Variants in JAK2 observed in about 807,000 individuals in gnomAD.
JAK2 encodes the protein Janus kinase 2, also known as tyrosine-protein kinase JAK2.
Under a neutral mutation model 139.3 loss-of-function variants are expected in JAK2, and 86 were observed. That is an observed-to-expected ratio of 0.62 (90% confidence interval 0.52 to 0.74). The LOEUF (loss-of-function observed/expected upper bound fraction) is 0.74, where lower values mean the gene tolerates loss of function less well. Ranked by LOEUF, JAK2 falls within the 30% of genes least tolerant of loss-of-function variation. JAK2 has a pLI of 0.00. For synonymous variants in JAK2, 490 were observed against 437.7 expected, an observed-to-expected ratio of 1.12 and a Z score of -1.49; for missense variants, 1,421 against 1,360.3, an observed-to-expected ratio of 1.04 and a Z score of -0.70.
At chr9:5,024,495 C>G (rs912216782) in intron 3 of JAK2, among the ~76,000 whole-genome samples, 3 of 152,056 alleles carry the variant, frequency 2.0e-5, no homozygotes, top group Non-Finnish European at 4.4e-5. Context: ...TGTGCTGACT[C>G]TAAAGAACAG....
intron 2 of JAK2, among the ~76,000 whole-genome samples, chr9:5,015,223 C>T (rs1043794221): frequency 6.6e-6 from 1 of 152,078 alleles, no homozygotes; most frequent in Admixed American, 6.6e-5. Flanking sequence ...GAAGCTGAGG[C>T]GCAATGAATA....
At chr9:4,991,081 A>T (rs1820215081) in intron 2 of JAK2, among the ~76,000 whole-genome samples, 1 of 152,190 alleles carries the variant, frequency 6.6e-6, no homozygotes, top group African/African-American at 2.4e-5. Flanking sequence ...TTGTGCTGGT[A>T]AAATTTGAAT....
At position 5,026,258 on chromosome 9, in the gene JAK2, T is replaced by A. The variant is rs555465705; in HGVS notation, c.227-3525T>A. On this transcript the variant is annotated intron_variant, in intron 3 of 24. Coordinates refer to ENST00000381652, the MANE Select transcript of JAK2 (RefSeq NM_004972.4). ...GTATTCCACAATTTTTAGTACATGATATTGGTAATCATTATTCATTATAAA... is the reference window on the plus strand; with the variant it reads ...GTATTCCACAATTTTTAGTACATGAAATTGGTAATCATTATTCATTATAAA... Among the ~76,000 whole-genome samples the A allele has an allele frequency of 2.6e-5, 4 of 152,356 alleles. No homozygotes were observed. In the South Asian group the frequency reaches 8.3e-4, roughly 32 times the overall value.
At chr9:5,058,955 A>G (rs944731249) in intron 8 of JAK2, among the ~76,000 whole-genome samples, 68 of 152,288 alleles carry the variant, frequency 4.5e-4, no homozygotes, top group Non-Finnish European at 1.8e-4. Context: ...TATGATTTGC[A>G]AATATTTTCT....
chr9:5,020,073 G>A (rs1822310504), intron 2 of JAK2, among the ~76,000 whole-genome samples: 1 of 152,130 alleles, frequency 6.6e-6, no homozygotes. Flanking sequence ...AGCTGAGTGG[G>A]TCCACAGGCC....
intron 4 of JAK2, among the ~76,000 whole-genome samples, chr9:5,040,450 G>T (rs752063553): frequency 1.1e-4 from 17 of 152,174 alleles, no homozygotes; most frequent in African/African-American, 3.9e-4. Context: ...AAATAGTTAA[G>T]TTAGGCTTTA....
Position 5,055,657 on chromosome 9 carries a change from T to C in JAK2, c.937-12T>C, listed in dbSNP as rs989510729. On this transcript the variant is annotated splice_polypyrimidine_tract_variant and intron_variant, in intron 7 of 24. Coordinates refer to ENST00000381652, the MANE Select transcript of JAK2 (RefSeq NM_004972.4). ...TCTACCCGTTTTTAATTTTACATGC[T>C]TTTAATTATAGGATTTACAGTTATA... 6.5e-7 allele frequency: 1 copy of C among 1,540,996 alleles called. No homozygotes were observed. The highest frequency in any genetic ancestry group is 1.4e-5 in the African/African-American group (1 of 73,072).
intron 2 of JAK2, among the ~76,000 whole-genome samples, chr9:4,989,433 G>C (rs1010244681): frequency 6.6e-5 from 10 of 151,974 alleles, no homozygotes; most frequent in African/African-American, 2.4e-4. Flanking sequence ...ATTCTTTGAG[G>C]AGCAGTACCT....
At position 5,128,080 on chromosome 9, in the gene JAK2, T is replaced by TTGTGTGTGTGTGTGTGTGTGTG. The variant is rs139964957; in HGVS notation, c.*1309_*1330dup. The TTGTGTGTGTGTGTGTGTGTGTG allele has an allele frequency of 2.3e-5, 5 of 215,658 alleles. No individual in the cohort carries two copies. Among genetic ancestry groups the TTGTGTGTGTGTGTGTGTGTGTG allele is most frequent in the African/African-American group, 1.2e-4 (5 of 42,664 alleles). 13.4% of individuals were successfully genotyped at this position (215,658 alleles called of 1,614,324 possible). On this transcript the variant is annotated 3_prime_UTR_variant, in exon 25 of 25. Coordinates refer to ENST00000381652, the MANE Select transcript of JAK2 (RefSeq NM_004972.4). ...TAGCTAAAATAAAATATGGTGGGTT[T>TTGTGTGTGTGTGTGTGTGTGTG]TGTGTGTGTGTGTGTGTGTGTGTGT...
In JAK2 at chr9:5,129,839, T is replaced by G. The variant is rs1824226246; in HGVS notation, c.*3048T>G. Among the ~76,000 whole-genome samples the G allele has an allele frequency of 6.6e-6, 1 of 152,194 alleles. No individual in the cohort carries two copies. Among genetic ancestry groups the G allele is most frequent in the Non-Finnish European group, 1.5e-5 (1 of 67,996 alleles). On this transcript the variant is annotated 3_prime_UTR_variant, in exon 25 of 25. Transcript: ENST00000381652. ...TCATATAGCCTTTAACTTTTTACATTAATCAGATTCTTAGTAAAATGCAGA... is the reference window on the plus strand; with the variant it reads ...TCATATAGCCTTTAACTTTTTACATGAATCAGATTCTTAGTAAAATGCAGA...
chr9:5,121,245 C>T (rs1313608991), intron 22 of JAK2, among the ~76,000 whole-genome samples: 1 of 152,122 alleles, frequency 6.6e-6, no homozygotes, highest in Admixed American at 6.5e-5. Flanking sequence ...CACAAGCAGT[C>T]CCCTAAGAGA....
chr9:5,065,964 C>G (rs1258663669), intron 9 of JAK2, among the ~76,000 whole-genome samples: 1 of 152,060 alleles, frequency 6.6e-6, no homozygotes, highest in East Asian at 1.9e-4. Flanking sequence ...AACTTTATGT[C>G]TGTAATTTAC....
rs533264615 is a variant in JAK2, at chr9:5,126,321, G to GC, written c.3178-12_3178-11insC. ...AAATGTACAAAAAATATTGAAAGTG[G>GC]GTTTGTTTTAGGAATTTATGCGTAT... On this transcript the variant is annotated splice_polypyrimidine_tract_variant and intron_variant, in intron 23 of 24. Coordinates refer to ENST00000381652, the MANE Select transcript of JAK2 (RefSeq NM_004972.4). 2.3e-3 allele frequency: 3,590 copies of GC among 1,545,100 alleles called. 7 individuals carry two copies. Among genetic ancestry groups the GC allele is most frequent in the Non-Finnish European group, 2.9e-3 (3,255 of 1,129,694 alleles).
chr9:5,104,058 A>G (rs1821753865), intron 22 of JAK2, among the ~76,000 whole-genome samples: 1 of 152,226 alleles, frequency 6.6e-6, no homozygotes, highest in African/African-American at 2.4e-5. Context: ...GGCAAGAAAT[A>G]ACTAAGATCA....
intron 22 of JAK2, among the ~76,000 whole-genome samples, chr9:5,119,258 A>AT (rs906468834): frequency 1.8e-4 from 27 of 152,088 alleles, no homozygotes; most frequent in Admixed American, 5.2e-4. Flanking sequence ...ATAATATGTG[A>AT]TTTTTTTAAA....
chr9:5,087,619 T>C (rs1305842875), intron 19 of JAK2, among the ~76,000 whole-genome samples: 1 of 152,236 alleles, frequency 6.6e-6, no homozygotes, highest in Non-Finnish European at 1.5e-5. Context: ...GACTGATTTT[T>C]GCCTATCAAA....
chr9:5,041,448 T>TC (rs1170227078), intron 4 of JAK2: 1 of 615,326 alleles, frequency 1.6e-6, no homozygotes, highest in African/African-American at 1.8e-5. Flanking sequence ...TGCAGCAGCC[T>TC]CCCCTGGCAG....
intron 6 of JAK2, among the ~76,000 whole-genome samples, chr9:5,052,832 T>G (rs1423793607): frequency 2.0e-5 from 3 of 152,114 alleles, no homozygotes; most frequent in African/African-American, 4.8e-5. Flanking sequence ...AGTACTTCAT[T>G]TCTTTTTATT....
chr9:5,122,708 T>TA (rs1823705641), intron 22 of JAK2, among the ~76,000 whole-genome samples: 1 of 151,972 alleles, frequency 6.6e-6, no homozygotes, highest in Admixed American at 6.6e-5. Flanking sequence ...GCCTGGCACA[T>TA]ACTAAAGTTA....
Sources: allele counts gnomAD v4.1 joint callset (sites outside exome capture counted in the v4.1 genomes callset), GRCh38; gene constraint gnomAD v4.1.1; transcripts MANE v1.5; gene names NCBI Gene and HGNC (gene_info 2026-07-23, HGNC 2026-07-21).